TET3: variants seen among roughly 807,000 people sequenced by gnomAD.
TET3 encodes the protein methylcytosine dioxygenase TET3.
A neutral mutation model predicts 141.4 loss-of-function variants in TET3; 19 were observed. The observed-to-expected ratio is 0.13, with a 90% confidence interval of 0.09 to 0.20. TET3 has a LOEUF of 0.20. TET3 is among the 10% of genes least tolerant of loss of function. TET3 has a pLI of 1.00. For missense variants in TET3, 1,874 were observed against 2,356.9 expected, an observed-to-expected ratio of 0.80 and a Z score of 4.24; for synonymous variants, 1,043 against 980.9, an observed-to-expected ratio of 1.06 and a Z score of -1.18.
intron 4 of TET3, among the ~76,000 whole-genome samples, chr2:74,070,102 G>GC (rs1333833775): frequency 1.3e-5 from 2 of 152,118 alleles, no homozygotes; most frequent in African/African-American, 4.8e-5. Flanking sequence ...GGATCTCTAA[G>GC]CAGTATAGTT....
intron 3 of TET3, among the ~76,000 whole-genome samples, chr2:74,006,550 C>T (rs1685159226): frequency 6.6e-6 from 1 of 152,320 alleles, no homozygotes; most frequent in Non-Finnish European, 1.5e-5. Flanking sequence ...TTTGCTGGGC[C>T]TGGTGAGGAG....
At chr2:74,009,818 C>A (rs1024803641) in intron 3 of TET3, among the ~76,000 whole-genome samples, 2 of 152,206 alleles carry the variant, frequency 1.3e-5, no homozygotes, top group Admixed American at 1.3e-4. Context: ...GCTGCCCAGC[C>A]AGGACAGCTG....
chr2:74,100,856 CCAG>C lies in TET3; in HGVS notation c.4073_4075del (p.Gln1358del), dbSNP rs1691161067. 6.2e-7 allele frequency: 1 copy of C among 1,611,688 alleles called. No homozygotes were observed. Among genetic ancestry groups the C allele is most frequent in the South Asian group, 1.1e-5 (1 of 90,570 alleles). ...ACGCCCACCACCCCACTCCTCACCA[CCAG>C]CAGCCTGCGTACCCAGGCCCCAAGG... On this transcript the variant is annotated inframe_deletion, in exon 12 of 12. Coordinates refer to ENST00000409262, the MANE Select transcript of TET3 (RefSeq NM_001287491.2).
At chr2:74,122,509 A>ATTTTTTTTTTT in the TET3 span, 18 of 76,190 alleles carry the variant, frequency 2.4e-4, no homozygotes, top group Non-Finnish European at 4.1e-4. Context: ...ATATATATAT[A>ATTTTTTTTTTT]TATTTTTTTT....
At chr2:74,078,846 A>G (rs1030279732) in intron 5 of TET3, among the ~76,000 whole-genome samples, 1 of 152,232 alleles carries the variant, frequency 6.6e-6, no homozygotes, top group African/African-American at 2.4e-5. Flanking sequence ...AAAACATTCA[A>G]TCATCTGTCT....
At chr2:74,081,662 T>A (rs758288520) in intron 6 of TET3, among the ~76,000 whole-genome samples, 6 of 152,186 alleles carry the variant, frequency 3.9e-5, no homozygotes, top group Non-Finnish European at 8.8e-5. Flanking sequence ...GCGGGTAAGA[T>A]AACCCCTGTC....
At position 73,986,703 on chromosome 2, in the gene TET3, G is replaced by A; in HGVS notation, c.300G>A (p.Lys100=). The A allele has an allele frequency of 1.6e-6, 2 of 1,231,998 alleles. No individual in the cohort carries two copies. The highest frequency in any genetic ancestry group is 2.0e-6 in the Non-Finnish European group (2 of 987,978). The allele number at this position is 1,231,998 out of a possible 1,614,324, so 76.3% of individuals were successfully genotyped here. A position where few individuals can be genotyped will look rare whatever the true frequency, so the allele number is the denominator to read the frequency against. The part of the protein sequence containing the change: ...EVLKKKVGLL[K]EVEIKAGEGA... ...TGAAGAAAAAAGTAGGGCTTCTCAA[G>A]GAGGTAAGCCGGCCCTTGCTGGGCT... The change falls in exon 2 of 12, where the codon AAG becomes AAA. Residue 100 remains lysine (K), a synonymous_variant. Transcript: ENST00000409262.
chr2:74,093,409 G>A lies in TET3; in HGVS notation c.3130-120G>A, dbSNP rs544709068. Reference sequence around the variant, plus strand: ...GCCAGAAAACCTCCCTCCTGCAGTCGAAGGGCAAGGTGACTATCATCCTTA... The same window carrying A: ...GCCAGAAAACCTCCCTCCTGCAGTCAAAGGGCAAGGTGACTATCATCCTTA... On this transcript the variant is annotated intron_variant, in intron 9 of 11. Coordinates refer to ENST00000409262, the MANE Select transcript of TET3 (RefSeq NM_001287491.2). The surrounding 1 kb of genome is among the most constrained non-coding windows in gnomAD (Gnocchi z 4.2). The A allele has an allele frequency of 3.7e-6, 5 of 1,356,028 alleles. No individual in the cohort carries two copies. Among genetic ancestry groups the A allele is most frequent in the South Asian group, 3.3e-5 (2 of 60,748 alleles). 84.0% of individuals were successfully genotyped at this position (1,356,028 alleles called of 1,614,324 possible).
At chr2:74,081,976 TATC>T (rs570605343) in intron 6 of TET3, among the ~76,000 whole-genome samples, 8 of 152,208 alleles carry the variant, frequency 5.3e-5, no homozygotes, top group Non-Finnish European at 1.2e-4. Flanking sequence ...TGATGTGGCT[TATC>T]ATGGTGGGGT....
At chr2:74,061,577 G>A (rs771458126) in intron 4 of TET3, among the ~76,000 whole-genome samples, 17,504 of 141,966 alleles carry the variant, frequency 0.12, 108 homozygotes, top group Non-Finnish European at 0.19. Flanking sequence ...CGGACGGGGC[G>A]GCTGGCCGGG....
At chr2:74,036,111 C>T (rs897326021) in intron 3 of TET3, among the ~76,000 whole-genome samples, 4 of 152,128 alleles carry the variant, frequency 2.6e-5, no homozygotes, top group African/African-American at 9.7e-5. Context: ...GTTATAAATG[C>T]TCTTCATATA....
chr2:74,011,531 G>A (rs571351486), intron 3 of TET3, among the ~76,000 whole-genome samples: 28 of 152,304 alleles, frequency 1.8e-4, no homozygotes, highest in Non-Finnish European at 3.2e-4. Context: ...GAAACTGAGT[G>A]GGTTCCCCCT....
Position 74,047,286 on chromosome 2 carries a change from C to G in TET3, c.1369C>G (p.Pro457Ala). The G allele has an allele frequency of 6.2e-7, 1 of 1,614,020 alleles. No individual in the cohort carries two copies. The highest frequency in any genetic ancestry group is 1.7e-5 in the Admixed American group (1 of 60,034). ...RSSWPMPRPS[P>A]DPMAELEQLL... is the part of the protein sequence containing the mutation. ...CTCCTGGCCCATGCCTCGCCCAAGCCCCGATCCCATGGCTGAACTGGAGCA... is the reference window on the plus strand; with the variant it reads ...CTCCTGGCCCATGCCTCGCCCAAGCGCCGATCCCATGGCTGAACTGGAGCA... Residue 457 changes from proline (P) to alanine (A), a missense_variant, in exon 4 of 12, where the codon CCC becomes GCC. By Grantham distance (27) the Pro-to-Ala change is conservative. Transcript: ENST00000409262.
In TET3 at chr2:74,090,096, C is replaced by T. The variant is rs767679419; in HGVS notation, c.3039+49C>T. On this transcript the variant is annotated intron_variant, in intron 8 of 11. Coordinates refer to ENST00000409262, the MANE Select transcript of TET3 (RefSeq NM_001287491.2). ...CTGCCTCCCATCCTTTCTCGCCTGG[C>T]GTCCTTCATGGTCCAGCGGGAGGTA... 3.2e-5 allele frequency: 52 copies of T among 1,603,092 alleles called. 1 individual carries two copies. Among genetic ancestry groups the T allele is most frequent in the South Asian group, 1.5e-4 (14 of 90,468 alleles).
chr2:74,122,490 C>CATATATATATATATATAT, the TET3 span: 3 of 59,374 alleles, frequency 5.1e-5, no homozygotes, highest in Admixed American at 3.2e-4. Flanking sequence ...TAAATACATA[C>CATATATATATATATATAT]ATATATATAT....
intron 3 of TET3, among the ~76,000 whole-genome samples, chr2:74,015,274 C>T (rs756906310): frequency 1.3e-5 from 2 of 152,054 alleles, no homozygotes; most frequent in African/African-American, 4.8e-5. Flanking sequence ...CCAATGGTAG[C>T]GGATTGTTTT....
rs989561077 is a variant in TET3 at position 74,087,726 on chromosome 2, C to T, written c.2680-104C>T. 26 of 1,157,780 alleles carry T rather than the reference C, an allele frequency of 2.2e-5. No individual in the cohort carries two copies. Among genetic ancestry groups the T allele is most frequent in the Non-Finnish European group, 2.9e-5 (24 of 839,814 alleles). The allele number at this position is 1,157,780 out of a possible 1,614,324, so 71.7% of individuals were successfully genotyped here. On this transcript the variant is annotated intron_variant, in intron 6 of 11. Coordinates refer to ENST00000409262, the MANE Select transcript of TET3 (RefSeq NM_001287491.2). This position sits in a 1 kb window ranked among gnomAD's most constrained non-coding sequence, Gnocchi z 4.3. The stretch of plus-strand genomic sequence containing the variant: ...GGGCATGACATCCCTAGAACCCTGC[C>T]GTTAAGACCTGCACCCTGGGTCTGT...
At chr2:74,069,924 C>T (rs1178412304) in intron 4 of TET3, among the ~76,000 whole-genome samples, 2 of 152,128 alleles carry the variant, frequency 1.3e-5, no homozygotes, top group Non-Finnish European at 2.9e-5. Flanking sequence ...TCACATTCCT[C>T]TCCCATCCCC....
At chr2:74,005,395 A>G (rs545045710) in intron 3 of TET3, among the ~76,000 whole-genome samples, 2 of 152,370 alleles carry the variant, frequency 1.3e-5, no homozygotes, top group Admixed American at 6.5e-5. Context: ...AATCATATGC[A>G]GCTCAGGCAC....
Sources: gnomAD v4.1 joint callset for allele counts (sites outside exome capture counted in the v4.1 genomes callset) on GRCh38, gnomAD v4.1.1 for gene constraint, Gnocchi (gnomAD v3.1) non-coding constraint, MANE v1.5 for transcripts, NCBI Gene and HGNC (gene_info 2026-07-23, HGNC 2026-07-21) for gene names.